The following TG variants were observed in gnomAD, a reference collection of about 807,000 sequenced individuals.
The protein encoded by TG is thyroglobulin.
A neutral mutation model predicts 324.7 loss-of-function variants in TG; 270 were observed. That is an observed-to-expected ratio of 0.83 (90% CI 0.75 to 0.92). The LOEUF (loss-of-function observed/expected upper bound fraction) is 0.92. Ranked by LOEUF, TG falls within the 40% of genes least tolerant of loss-of-function variation. The probability of loss-of-function intolerance (pLI) is 0.00; values close to 1 mark genes in which losing one functional copy is unlikely to be tolerated. For synonymous variants in TG, 1,401 were observed against 1,327.0 expected (o/e 1.06, Z -1.21); for missense variants, 3,591 against 3,456.4 (o/e 1.04, Z -0.98).
Position 133,018,245 on chromosome 8 carries a change from C to A in TG, c.6782+248C>A, listed in dbSNP as rs114284552. On this transcript the variant is annotated intron_variant, in intron 38 of 47. Coordinates refer to ENST00000220616, the MANE Select transcript of TG (RefSeq NM_003235.5). ...AGGGGCCTGTATGCTCTGCTCCATG[C>A]AGTGATTCAGGGACGCAGGCTGATG... 3.2e-3 allele frequency among the ~76,000 whole-genome samples: 486 copies of A among 152,318 alleles called. 4 individuals are homozygous for A. Among genetic ancestry groups the A allele is most frequent in the African/African-American group, 0.011 (465 of 41,566 alleles).
chr8:132,907,176 G>T (rs1024075843), intron 17 of TG, among the ~76,000 whole-genome samples: 1 of 152,150 alleles, frequency 6.6e-6, no homozygotes, highest in African/African-American at 2.4e-5. Flanking sequence ...TTCTTGGGAT[G>T]TCTTGGATTC....
At position 133,013,567 on chromosome 8, in the gene TG, C is replaced by A. The variant is rs373044425; in HGVS notation, c.6398-33C>A. On this transcript the variant is annotated intron_variant, in intron 36 of 47. Coordinates refer to ENST00000220616, the MANE Select transcript of TG (RefSeq NM_003235.5). ...CATGAGTGAAGTAACATCTCTGAGGCCCAAGCATCACTCTTCTCCCTCTTT... is the reference window on the plus strand; with the variant it reads ...CATGAGTGAAGTAACATCTCTGAGGACCAAGCATCACTCTTCTCCCTCTTT... 3.7e-6 allele frequency: 6 copies of A among 1,613,086 alleles called. No homozygotes were observed. In the African/African-American group the frequency reaches 6.7e-5, roughly 18 times the overall value.
At chr8:133,068,575 T>A (rs1843452543) in intron 41 of TG, among the ~76,000 whole-genome samples, 1 of 152,184 alleles carries the variant, frequency 6.6e-6, no homozygotes, top group African/African-American at 2.4e-5. Context: ...CCTTCCTGGG[T>A]GTTCTCATGG....
intron 25 of TG, among the ~76,000 whole-genome samples, chr8:132,938,969 A>G (rs1034529344): frequency 1.3e-5 from 2 of 149,736 alleles, no homozygotes; most frequent in Admixed American, 6.7e-5. Context: ...GGAGAATGGC[A>G]TGAACCCAGG....
rs116742685 is a variant in TG at position 132,905,375 on chromosome 8, G to T, written c.3635-1313G>T. On this transcript the variant is annotated intron_variant, in intron 16 of 47. Coordinates refer to ENST00000220616, the MANE Select transcript of TG (RefSeq NM_003235.5). ...CTGCAAATCGCAGTGCAAAATCTTC[G>T]CCAGGGACCATTGCCCTTATCACAA... is the stretch of plus-strand genomic sequence containing the variant. 3.9e-5 allele frequency among the ~76,000 whole-genome samples: 6 copies of T among 152,220 alleles called. No individual in the cohort carries two copies. The Middle Eastern group carries it at 0.01, about 259-fold the overall frequency.
In TG at chr8:133,022,082, C is replaced by G; in HGVS notation, c.6968C>G (p.Ala2323Gly). ...CCGGCTATCGACGGCTCCTTCTTGG[C>G]TGCTGTTGGCAACCTCATCGTGGTC... ...GWPAIDGSFL[A>G]AVGNLIVVTA... is the part of the protein sequence containing the mutation. The change falls in exon 40 of 48, where the codon GCT becomes GGT. Residue 2323 changes from alanine to glycine, a missense_variant. Ala to Gly is a moderately conservative substitution (Grantham distance 60). Coordinates refer to ENST00000220616, the MANE Select transcript of TG (RefSeq NM_003235.5). 6.2e-7 allele frequency: 1 copy of G among 1,614,182 alleles called. No individual in the cohort carries two copies. Among genetic ancestry groups the G allele is most frequent in the Non-Finnish European group, 8.5e-7 (1 of 1,180,036 alleles).
At chr8:132,987,342 A>G (rs1831696026) in intron 35 of TG, among the ~76,000 whole-genome samples, 2 of 151,634 alleles carry the variant, frequency 1.3e-5, no homozygotes, top group Non-Finnish European at 2.9e-5. Context: ...TATGGTTCTG[A>G]CATAGATTGT....
intron 35 of TG, among the ~76,000 whole-genome samples, chr8:133,000,843 G>T (rs1371646511): frequency 2.6e-5 from 4 of 152,138 alleles, no homozygotes; most frequent in Admixed American, 2.6e-4. Context: ...TTGTTACTTG[G>T]CTGCAGCTGC....
chr8:133,013,351 A>G (rs1834693661), intron 36 of TG, among the ~76,000 whole-genome samples: 1 of 152,104 alleles, frequency 6.6e-6, no homozygotes, highest in African/African-American at 2.4e-5. Context: ...GGTTGGGTGG[A>G]TGGATGGATT....
In TG at chr8:133,030,042, A is replaced by G. The variant is rs767938512; in HGVS notation, c.7239+19A>G. On this transcript the variant is annotated intron_variant, in intron 41 of 47. Coordinates refer to ENST00000220616, the MANE Select transcript of TG (RefSeq NM_003235.5). ...GCTGATGGTAAGTGGTGTGTGTTCT[A>G]CCTTCAGTCTTACTGCAGATGCGGC... is the stretch of plus-strand genomic sequence containing the variant. 4 of 1,613,958 alleles carry G rather than the reference A, an allele frequency of 2.5e-6. No individual in the cohort carries two copies. The African/African-American group carries it at 4.0e-5, about 16-fold the overall frequency.
intron 41 of TG, among the ~76,000 whole-genome samples, chr8:133,084,881 T>C (rs1363134426): frequency 6.6e-6 from 1 of 152,234 alleles, no homozygotes; most frequent in Non-Finnish European, 1.5e-5. Flanking sequence ...GTGCAGATTC[T>C]GTTTGGCACA....
chr8:132,906,423 G>A (rs1241196212), intron 16 of TG, among the ~76,000 whole-genome samples: 1 of 152,124 alleles, frequency 6.6e-6, no homozygotes, highest in African/African-American at 2.4e-5. Context: ...AGAAGCTCGA[G>A]TGCCTGAGCT....
chr8:133,081,953 A>G (rs1248783041), intron 41 of TG, among the ~76,000 whole-genome samples: 1 of 152,210 alleles, frequency 6.6e-6, no homozygotes, highest in East Asian at 1.9e-4. Context: ...CAGGCATCTC[A>G]TTTCTAAGCA....
Position 133,001,669 on chromosome 8 carries a change from T to C in TG, c.6263-10232T>C, listed in dbSNP as rs188599821. The C allele has an allele frequency of 1.5e-5, 13 of 854,848 alleles. No homozygotes were observed. In the Admixed American group the frequency reaches 3.1e-4, roughly 20 times the overall value. The allele number at this position is 854,848 out of a possible 1,614,324, so 53.0% of individuals were successfully genotyped here. ...TCAATGCAATGTTGTCTCCGTCCGA[T>C]GACGACAGGGAGACGTGAGCTGGGC... On this transcript the variant is annotated intron_variant, in intron 35 of 47. Coordinates refer to ENST00000220616, the MANE Select transcript of TG (RefSeq NM_003235.5).
At chr8:133,087,824 C>T (rs1267256164) in intron 41 of TG, 2 of 152,188 alleles carry the variant, frequency 1.3e-5, no homozygotes, top group African/African-American at 4.8e-5. Flanking sequence ...CTGTGAATGT[C>T]ACGTGACCTC....
chr8:133,041,972 A>G (rs1339532528), intron 41 of TG, among the ~76,000 whole-genome samples: 3 of 151,792 alleles, frequency 2.0e-5, no homozygotes, highest in Admixed American at 2.0e-4. Flanking sequence ...TATTTTTAGT[A>G]GAGATGGAGT....
Position 132,873,171 on chromosome 8 carries a change from T to C in TG, c.588T>C (p.Phe196=), listed in dbSNP as rs751275251. Residue 196 remains phenylalanine, a synonymous_variant, in exon 5 of 48, where the codon TTT becomes TTC. Transcript: ENST00000220616. ...EGEFMPVQCK[F]VNTTDMMIFD... is the part of the protein sequence containing the mutation. ...AGTTTATGCCTGTCCAGTGCAAATT[T>C]GTCAACACCACAGACATGATGATTT... is the stretch of plus-strand genomic sequence containing the variant. The C allele has an allele frequency of 6.2e-7, 1 of 1,614,154 alleles. No individual in the cohort carries two copies. The highest frequency in any genetic ancestry group is 1.1e-5 in the South Asian group (1 of 91,078).
chr8:132,963,830 A>C (rs942021435), intron 29 of TG, among the ~76,000 whole-genome samples: 1 of 152,058 alleles, frequency 6.6e-6, no homozygotes, highest in Non-Finnish European at 1.5e-5. Flanking sequence ...GTACAGGGGA[A>C]AAAAACGTCA....
intron 41 of TG, chr8:133,087,748 T>G (rs1485232552): frequency 2.0e-5 from 3 of 152,214 alleles, no homozygotes; most frequent in Non-Finnish European, 4.4e-5. Flanking sequence ...TGTGGATTGA[T>G]CAAGTCAGAC....
Sources: allele counts gnomAD v4.1 joint callset (sites outside exome capture counted in the v4.1 genomes callset), GRCh38; gene constraint gnomAD v4.1.1; transcripts MANE v1.5; gene names NCBI Gene and HGNC (gene_info 2026-07-23, HGNC 2026-07-21).